SORCS2: variants seen among roughly 807,000 people sequenced by gnomAD.
The protein encoded by SORCS2 is VPS10 domain-containing receptor SorCS2.
SORCS2 carries 100 observed loss-of-function variants against 141.6 expected under a neutral mutation model. The observed-to-expected ratio is 0.71, with a 90% CI of 0.60 to 0.83. SORCS2 has a LOEUF of 0.83. SORCS2 is among the 40% of genes least tolerant of loss of function. SORCS2 has a pLI of 0.00. For synonymous variants in SORCS2, 789 were observed against 676.9 expected (o/e 1.17, Z -2.57); for missense variants, 1,646 against 1,560.2 (o/e 1.05, Z -0.93).
At chr4:7,436,327 T>C (rs562779429) in intron 2 of SORCS2, among the ~76,000 whole-genome samples, 2 of 152,336 alleles carry the variant, frequency 1.3e-5, no homozygotes, top group South Asian at 4.1e-4. Flanking sequence ...GGCCTGCCAT[T>C]CATTCAGTCC....
At chr4:7,577,775 A>G (rs776167188) in intron 3 of SORCS2, among the ~76,000 whole-genome samples, 8 of 149,320 alleles carry the variant, frequency 5.4e-5, no homozygotes, top group East Asian at 2.0e-4. Context: ...ATACAGGTGA[A>G]GTCAGCTAGT....
chr4:7,639,288 GGGA>G (rs1720477857), intron 4 of SORCS2, among the ~76,000 whole-genome samples: 1 of 152,224 alleles, frequency 6.6e-6, no homozygotes, highest in Admixed American at 6.5e-5. Flanking sequence ...CTGGGCTCTA[GGGA>G]GGAGTCCAAC....
At position 7,378,089 on chromosome 4, in the gene SORCS2, G is replaced by T. The variant is rs182002370; in HGVS notation, c.481-18199G>T. On this transcript the variant is annotated intron_variant, in intron 1 of 26. Transcript: ENST00000507866. ...TAGACTAGCTGAACTACATGGAGAA[G>T]CTAAAGCTGCATTTATTTGTTACAG... 7.7e-4 allele frequency among the ~76,000 whole-genome samples: 118 copies of T among 152,306 alleles called. 1 individual carries two copies. The highest frequency in any genetic ancestry group is 1.3e-3 in the Non-Finnish European group (89 of 68,024).
chr4:7,458,149 G>C (rs1035960077), intron 2 of SORCS2, among the ~76,000 whole-genome samples: 1 of 152,200 alleles, frequency 6.6e-6, no homozygotes, highest in African/African-American at 2.4e-5. Flanking sequence ...AAAGAGGGAA[G>C]ATCTTGTGGG....
intron 1 of SORCS2, among the ~76,000 whole-genome samples, chr4:7,207,560 G>A (rs532347692): frequency 6.4e-4 from 98 of 152,316 alleles, no homozygotes; most frequent in Middle Eastern, 3.4e-3. Flanking sequence ...CATCTGCACT[G>A]GGGCTGGCAG....
chr4:7,384,133 C>T (rs959681818), intron 1 of SORCS2, among the ~76,000 whole-genome samples: 33 of 152,268 alleles, frequency 2.2e-4, no homozygotes, highest in African/African-American at 7.7e-4. Flanking sequence ...TGCAGAGGCC[C>T]TTGGTGGAGG....
chr4:7,314,927 G>T (rs570753158), intron 1 of SORCS2, among the ~76,000 whole-genome samples: 1 of 151,628 alleles, frequency 6.6e-6, no homozygotes, highest in Admixed American at 6.6e-5. Flanking sequence ...TGCCTCCAGG[G>T]TTCAAGCGAT....
intron 2 of SORCS2, among the ~76,000 whole-genome samples, chr4:7,446,461 T>G (rs2109274454): frequency 6.6e-6 from 1 of 152,318 alleles, no homozygotes; most frequent in South Asian, 2.1e-4. Flanking sequence ...TGAGTATTTG[T>G]GAGTGTTGGG....
intron 1 of SORCS2, among the ~76,000 whole-genome samples, chr4:7,222,883 C>T (rs56292936): frequency 3.9e-5 from 6 of 151,940 alleles, no homozygotes; most frequent in African/African-American, 1.4e-4. Flanking sequence ...AGGCTGGAAA[C>T]CATTCCTCTT....
At chr4:7,322,719 CAA>C (rs1410310590) in intron 1 of SORCS2, among the ~76,000 whole-genome samples, 1 of 152,232 alleles carries the variant, frequency 6.6e-6, no homozygotes, top group East Asian at 1.9e-4. Context: ...ACAAGCTTGG[CAA>C]AGAGATTTCC....
intron 1 of SORCS2, among the ~76,000 whole-genome samples, chr4:7,280,335 G>A (rs1324805374): frequency 1.3e-5 from 2 of 152,314 alleles, no homozygotes; most frequent in Middle Eastern, 3.4e-3. Context: ...CTGCACTCTC[G>A]AGAGGCGAGG....
intron 2 of SORCS2, among the ~76,000 whole-genome samples, chr4:7,410,329 A>G (rs1725221611): frequency 6.6e-6 from 1 of 152,252 alleles, no homozygotes; most frequent in East Asian, 1.9e-4. Context: ...GGGGGACTTC[A>G]GAGAGAAACA....
intron 3 of SORCS2, among the ~76,000 whole-genome samples, chr4:7,560,225 T>C (rs1714437656): frequency 6.6e-6 from 1 of 152,186 alleles, no homozygotes. Context: ...CCAGGAAGCT[T>C]CTGGCAGACT....
At chr4:7,210,624 G>A (rs768301916) in intron 1 of SORCS2, among the ~76,000 whole-genome samples, 4 of 152,332 alleles carry the variant, frequency 2.6e-5, no homozygotes, top group Non-Finnish European at 5.9e-5. Flanking sequence ...GTTGGCTGCA[G>A]GTGGGTGGTT....
chr4:7,723,786 C>G lies in SORCS2; in HGVS notation c.2514C>G (p.Ile838Met). ...YVNLTLTGEP[I>M]RHRYESPGIY... is the part of the protein sequence containing the mutation. ...ACCTTACACTGACCGGGGAGCCCAT[C>G]CGGCACCGCTACGAGAGCCCCGGCA... The change falls in exon 19 of 27, where the codon ATC becomes ATG. Residue 838 changes from isoleucine (I) to methionine (M), a missense_variant. Transcript: ENST00000507866. 4 of 1,613,926 alleles carry G rather than the reference C, an allele frequency of 2.5e-6. No homozygotes were observed. Among genetic ancestry groups the G allele is most frequent in the Non-Finnish European group, 3.4e-6 (4 of 1,179,894 alleles).
At chr4:7,345,006 C>T (rs751463636) in intron 1 of SORCS2, among the ~76,000 whole-genome samples, 7 of 152,230 alleles carry the variant, frequency 4.6e-5, no homozygotes, top group South Asian at 2.1e-4. Context: ...TGGGGAGCCT[C>T]GGCCTGTTGT....
At chr4:7,559,130 G>A (rs1714346655) in intron 3 of SORCS2, among the ~76,000 whole-genome samples, 1 of 152,170 alleles carries the variant, frequency 6.6e-6, no homozygotes, top group African/African-American at 2.4e-5. Context: ...CCCTCTGCCT[G>A]GAATGGTCTT....
intron 3 of SORCS2, among the ~76,000 whole-genome samples, chr4:7,637,295 C>T (rs765009855): frequency 9.1e-5 from 13 of 142,344 alleles, no homozygotes; most frequent in Non-Finnish European, 1.7e-4. Context: ...CCTGCTCAGT[C>T]CCCTACATCA....
At chr4:7,594,715 T>C (rs1717143391) in intron 3 of SORCS2, among the ~76,000 whole-genome samples, 1 of 152,110 alleles carries the variant, frequency 6.6e-6, no homozygotes, top group African/African-American at 2.4e-5. Flanking sequence ...AGAGTCTTAG[T>C]GTCTATGAGT....
Sources: allele counts gnomAD v4.1 joint callset (sites outside exome capture counted in the v4.1 genomes callset), GRCh38; gene constraint gnomAD v4.1.1; transcripts MANE v1.5; gene names NCBI Gene and HGNC (gene_info 2026-07-23, HGNC 2026-07-21).